Variants in RAD51B observed in about 807,000 individuals in gnomAD.
RAD51B encodes the protein DNA repair protein RAD51 homolog 2.
A neutral mutation model predicts 42.2 loss-of-function variants in RAD51B; 38 were observed. The ratio of observed to expected loss-of-function variants is 0.90; its 90% CI spans 0.70 to 1.18. The LOEUF (loss-of-function observed/expected upper bound fraction) is 1.18, where lower values mean the gene tolerates loss of function less well. Among genes scored for constraint, RAD51B ranks in the 50% most tolerant of loss-of-function variants. The probability of loss-of-function intolerance (pLI) is 0.00; values close to 1 mark genes in which losing one functional copy is unlikely to be tolerated. For missense variants in RAD51B, 373 were observed against 400.7 expected (o/e 0.93, Z 0.59); for synonymous variants, 154 against 145.2 (o/e 1.06, Z -0.43).
At chr14:68,088,704 G>A (rs1204744664) in intron 7 of RAD51B, among the ~76,000 whole-genome samples, 2 of 147,152 alleles carry the variant, frequency 1.4e-5, no homozygotes, top group Non-Finnish European at 3.0e-5. Flanking sequence ...AAGGAAGTGG[G>A]GGAGAGAAAT....
At chr14:68,657,474 C>T (rs985954852) in intron 11 of RAD51B, among the ~76,000 whole-genome samples, 1 of 152,240 alleles carries the variant, frequency 6.6e-6, no homozygotes, top group African/African-American at 2.4e-5. Context: ...AGCCACTGCA[C>T]CAGCCTCCCC....
At chr14:68,071,289 C>T (rs2076736232) in intron 7 of RAD51B, among the ~76,000 whole-genome samples, 2 of 152,096 alleles carry the variant, frequency 1.3e-5, no homozygotes, top group African/African-American at 4.8e-5. Context: ...TTAACTAGGA[C>T]TCCCTGTAGT....
intron 7 of RAD51B, among the ~76,000 whole-genome samples, chr14:68,010,255 C>T (rs534021419): frequency 2.1e-4 from 32 of 151,768 alleles, no homozygotes; most frequent in Admixed American, 2.1e-3. Context: ...GTAAAAATTG[C>T]TTATAGATGT....
chr14:67,913,027 C>G (rs2044040223), intron 7 of RAD51B, among the ~76,000 whole-genome samples: 1 of 152,106 alleles, frequency 6.6e-6, no homozygotes, highest in South Asian at 2.1e-4. Context: ...TTTTTAAGCT[C>G]CTCCTGACTT....
At chr14:68,160,938 T>C (rs917612914) in intron 7 of RAD51B, among the ~76,000 whole-genome samples, 2 of 152,226 alleles carry the variant, frequency 1.3e-5, no homozygotes, top group African/African-American at 4.8e-5. Context: ...GAAACTCTCT[T>C]GGAATGTCTA....
intron 7 of RAD51B, among the ~76,000 whole-genome samples, chr14:68,108,769 T>C (rs1403857240): frequency 1.3e-5 from 2 of 151,962 alleles, no homozygotes; most frequent in Non-Finnish European, 2.9e-5. Context: ...TTATGATATG[T>C]GAGTAATATC....
intron 8 of RAD51B, among the ~76,000 whole-genome samples, chr14:68,357,453 ACCT>A (rs750583180): frequency 3.3e-5 from 5 of 150,772 alleles, no homozygotes; most frequent in Middle Eastern, 3.4e-3. Context: ...TGGTATTTTG[ACCT>A]CCTCCTATGA....
At chr14:68,429,518 T>C (rs1299747315) in intron 9 of RAD51B, among the ~76,000 whole-genome samples, 1 of 152,238 alleles carries the variant, frequency 6.6e-6, no homozygotes, top group Non-Finnish European at 1.5e-5. Flanking sequence ...GTAATGAGCA[T>C]TTTTTCACGT....
At chr14:67,959,796 A>G (rs1233561298) in intron 7 of RAD51B, among the ~76,000 whole-genome samples, 1 of 152,118 alleles carries the variant, frequency 6.6e-6, no homozygotes, top group African/African-American at 2.4e-5. Flanking sequence ...TCATAGAAAT[A>G]TGACCGGGTG....
intron 10 of RAD51B, among the ~76,000 whole-genome samples, chr14:68,638,833 G>A (rs1892395796): frequency 6.6e-6 from 1 of 152,192 alleles, no homozygotes; most frequent in African/African-American, 2.4e-5. Context: ...CCATCTCAGA[G>A]AAGGAAGGGT....
intron 7 of RAD51B, among the ~76,000 whole-genome samples, chr14:68,200,730 T>C (rs987254159): frequency 1.4e-4 from 22 of 152,290 alleles, no homozygotes; most frequent in African/African-American, 5.1e-4. Flanking sequence ...CACGGCTCAC[T>C]GTAGCCTCAA....
chr14:68,680,086 A>G (rs963728123), intron 11 of RAD51B, among the ~76,000 whole-genome samples: 12 of 152,236 alleles, frequency 7.9e-5, no homozygotes, highest in African/African-American at 2.9e-4. Context: ...CTAGAAAAAT[A>G]TTACCTCAAT....
intron 9 of RAD51B, among the ~76,000 whole-genome samples, chr14:68,467,462 G>A (rs376913175): frequency 6.6e-6 from 1 of 152,196 alleles, no homozygotes; most frequent in Non-Finnish European, 1.5e-5. Flanking sequence ...TCTGTTTCAG[G>A]TATCTATTGC....
At chr14:68,591,401 CAG>C (rs1175901081) in intron 10 of RAD51B, among the ~76,000 whole-genome samples, 2 of 152,238 alleles carry the variant, frequency 1.3e-5, no homozygotes, top group Non-Finnish European at 2.9e-5. Flanking sequence ...TAAAGACAAA[CAG>C]GGGAGCCACC....
At chr14:67,951,487 C>G (rs1353363903) in intron 7 of RAD51B, among the ~76,000 whole-genome samples, 1 of 152,124 alleles carries the variant, frequency 6.6e-6, no homozygotes, top group Non-Finnish European at 1.5e-5. Context: ...TTTCCTACAG[C>G]TTATCGTCTT....
At chr14:68,588,893 G>A (rs1383919553) in intron 10 of RAD51B, among the ~76,000 whole-genome samples, 2 of 152,198 alleles carry the variant, frequency 1.3e-5, no homozygotes, top group Non-Finnish European at 2.9e-5. Context: ...GGACCTCAAT[G>A]TCTCCATAAA....
At chr14:68,442,791 A>G (rs1236596858) in intron 9 of RAD51B, among the ~76,000 whole-genome samples, 1 of 151,764 alleles carries the variant, frequency 6.6e-6, no homozygotes, top group Non-Finnish European at 1.5e-5. Flanking sequence ...CTGTGATATT[A>G]TTATTATTAT....
At chr14:68,265,956 T>A (rs1463506536) in intron 7 of RAD51B, among the ~76,000 whole-genome samples, 1 of 152,162 alleles carries the variant, frequency 6.6e-6, no homozygotes, top group Non-Finnish European at 1.5e-5. Context: ...AATGGACATT[T>A]AATAAGGTGT....
chr14:68,216,775 T>A (rs2079824361), intron 7 of RAD51B, among the ~76,000 whole-genome samples: 1 of 152,148 alleles, frequency 6.6e-6, no homozygotes, highest in Non-Finnish European at 1.5e-5. Context: ...AGGAGGGGTG[T>A]AAATACTTGG....
Sources: allele counts gnomAD v4.1 joint callset (sites outside exome capture counted in the v4.1 genomes callset), GRCh38; gene constraint gnomAD v4.1.1; transcripts MANE v1.5; gene names NCBI Gene and HGNC (gene_info 2026-07-23, HGNC 2026-07-21).